The following CEP63 variants were observed in gnomAD, a reference collection of about 807,000 sequenced individuals.
CEP63 encodes centrosomal protein of 63 kDa.
In CEP63, 84 loss-of-function variants were observed where a neutral mutation model predicts 89.1. The ratio of observed to expected loss-of-function variants is 0.94; its 90% CI spans 0.79 to 1.13. CEP63 has a LOEUF of 1.13. CEP63 is among the 50% of genes most tolerant of loss of function. The pLI is 0.00. For synonymous variants in CEP63, 267 were observed against 272.5 expected, an observed-to-expected ratio of 0.98 and a Z score of 0.20; for missense variants, 838 against 813.3, an observed-to-expected ratio of 1.03 and a Z score of -0.37.
chr3:134,773,351 T>C, the CEP63 span, among the ~76,000 whole-genome samples: 2 of 152,222 alleles, frequency 1.3e-5, no homozygotes, highest in African/African-American at 4.8e-5. Flanking sequence ...CAGAGCCGTC[T>C]ATTATAGCAT....
chr3:134,730,241 A>G, the CEP63 span, among the ~76,000 whole-genome samples: 1 of 152,234 alleles, frequency 6.6e-6, no homozygotes, highest in Admixed American at 6.5e-5. Context: ...CAACCCTACC[A>G]TAGAGGCTCA....
At chr3:134,695,900 A>G in the CEP63 span, among the ~76,000 whole-genome samples, 1 of 152,224 alleles carries the variant, frequency 6.6e-6, no homozygotes, top group Non-Finnish European at 1.5e-5. Context: ...ACATAGTCCC[A>G]GTGGTATCTC....
the CEP63 span, among the ~76,000 whole-genome samples, chr3:134,746,721 CT>C: frequency 6.6e-6 from 1 of 152,196 alleles, no homozygotes; most frequent in Non-Finnish European, 1.5e-5. Context: ...GCATAAATGT[CT>C]TCTTTTGAGA....
intron 14 of CEP63, among the ~76,000 whole-genome samples, chr3:134,560,059 C>T (rs1226983806): frequency 6.6e-6 from 1 of 152,222 alleles, no homozygotes; most frequent in East Asian, 1.9e-4. Flanking sequence ...TATTAATGTG[C>T]TACCAAGTCC....
chr3:134,524,725 T>C (rs1948267777), intron 3 of CEP63, among the ~76,000 whole-genome samples: 1 of 152,210 alleles, frequency 6.6e-6, no homozygotes, highest in Non-Finnish European at 1.5e-5. Flanking sequence ...ATCCTAGGGA[T>C]GAAGCCTACT....
chr3:134,493,048 C>T (rs1938291268), intron 1 of CEP63, among the ~76,000 whole-genome samples: 1 of 151,942 alleles, frequency 6.6e-6, no homozygotes, highest in Admixed American at 6.6e-5. Flanking sequence ...ATGTATATTA[C>T]TAAATATATT....
chr3:134,629,814 A>C, the CEP63 span: 1 of 659,576 alleles, frequency 1.5e-6, no homozygotes, highest in Non-Finnish European at 2.7e-6. Flanking sequence ...TGTGTGTACA[A>C]ATCATCCTTG....
At chr3:134,602,463 G>A in the CEP63 span, among the ~76,000 whole-genome samples, 2 of 152,162 alleles carry the variant, frequency 1.3e-5, no homozygotes, top group Admixed American at 6.5e-5. Flanking sequence ...TGTTTTCTCC[G>A]AGACAGGCAC....
the CEP63 span, among the ~76,000 whole-genome samples, chr3:134,705,605 C>CA: frequency 6.6e-6 from 1 of 152,274 alleles, no homozygotes; most frequent in East Asian, 1.9e-4. Context: ...TCAATACAGC[C>CA]AGGGTTTATG....
Position 134,532,892 on chromosome 3 carries a change from A to G in CEP63, c.433A>G (p.Lys145Glu). 6.2e-7 allele frequency: 1 copy of G among 1,613,742 alleles called. No homozygotes were observed. The highest frequency in any genetic ancestry group is 8.5e-7 in the Non-Finnish European group (1 of 1,179,758). Residue 145 changes from lysine to glutamate, a missense_variant, in exon 5 of 15, where the codon AAA (lysine) becomes GAA (glutamate). Lys to Glu is a moderately conservative substitution (Grantham distance 56). Coordinates refer to ENST00000675561, the MANE Select transcript of CEP63 (RefSeq NM_001353108.3). ...GTCTGAAATTGAGAGGTTAACTGCA[A>G]AAATAGAGGTATGTTCATAGTAATA... The part of the protein sequence containing the change: ...DRSEIERLTA[K>E]IEEFRQKSLD...
the CEP63 span, among the ~76,000 whole-genome samples, chr3:134,716,828 G>A: frequency 2.6e-5 from 4 of 152,134 alleles, no homozygotes; most frequent in African/African-American, 9.7e-5. Context: ...CAGTTGGTTA[G>A]TTACTTACAG....
intron 10 of CEP63, among the ~76,000 whole-genome samples, chr3:134,582,688 A>G (rs550470664): frequency 5.9e-5 from 9 of 152,312 alleles, no homozygotes; most frequent in African/African-American, 1.4e-4. Flanking sequence ...CTTTGGGTAT[A>G]TACCCAATAA....
rs138654785 is a variant in CEP63 at position 134,527,967 on chromosome 3, C to A, written c.223-3878C>A. 5.9e-3 allele frequency among the ~76,000 whole-genome samples: 905 copies of A among 152,302 alleles called. 22 individuals carry two copies. In the South Asian group the frequency reaches 0.074, roughly 12 times the overall value. On this transcript the variant is annotated intron_variant, in intron 3 of 14. Coordinates refer to ENST00000675561, the MANE Select transcript of CEP63 (RefSeq NM_001353108.3). ...CCCTGGCCATGCCCCACCACAGATT[C>A]TCTCACACCAAACCCTCTGGGCTCC...
the CEP63 span, among the ~76,000 whole-genome samples, chr3:134,634,937 A>G: frequency 6.6e-6 from 1 of 152,226 alleles, no homozygotes; most frequent in South Asian, 2.1e-4. Context: ...TGGATCTCAT[A>G]TATTGCTAGT....
chr3:134,773,887 T>C, the CEP63 span, among the ~76,000 whole-genome samples: 40 of 152,246 alleles, frequency 2.6e-4, no homozygotes, highest in African/African-American at 9.4e-4. Context: ...ATTGTATTTC[T>C]GTGCTTGTTT....
the CEP63 span, among the ~76,000 whole-genome samples, chr3:134,652,269 TCTTA>T: frequency 2.2e-4 from 34 of 152,280 alleles, no homozygotes; most frequent in African/African-American, 7.5e-4. Flanking sequence ...TAGCTGTCAT[TCTTA>T]CTTCATTTTA....
At chr3:134,600,673 T>G in the CEP63 span, 1 of 152,322 alleles carries the variant, frequency 6.6e-6, no homozygotes, top group Admixed American at 6.5e-5. Flanking sequence ...CTTTCTGAGT[T>G]TGATCGGTTC....
the CEP63 span, among the ~76,000 whole-genome samples, chr3:134,740,278 A>C: frequency 2.1e-5 from 3 of 145,504 alleles, no homozygotes; most frequent in East Asian, 5.9e-4. Flanking sequence ...TTATTTATTT[A>C]TTTATTTATT....
intron 5 of CEP63, chr3:134,536,192 G>A (rs1013721133): frequency 6.6e-6 from 1 of 152,254 alleles, no homozygotes; most frequent in African/African-American, 2.4e-5. Flanking sequence ...TCCAAAACGT[G>A]TATTACCATC....
Sources: allele counts gnomAD v4.1 joint callset (sites outside exome capture counted in the v4.1 genomes callset), GRCh38; gene constraint gnomAD v4.1.1; transcripts MANE v1.5; gene names NCBI Gene and HGNC (gene_info 2026-07-23, HGNC 2026-07-21).